Variants in ACAD11 observed in about 807,000 individuals in gnomAD.
ACAD11 encodes acyl-CoA dehydrogenase family member 11, also known as acyl-Coenzyme A dehydrogenase family, member 11.
A neutral mutation model predicts 102.2 loss-of-function variants in ACAD11; 83 were observed. That is an observed-to-expected ratio of 0.81 (90% CI 0.68 to 0.97). The LOEUF (loss-of-function observed/expected upper bound fraction) is 0.97, where lower values mean the gene tolerates loss of function less well. Ranked by LOEUF, ACAD11 falls within the 50% of genes least tolerant of loss-of-function variation. The pLI is 0.00. For synonymous variants in ACAD11, 324 were observed against 319.8 expected (o/e 1.01, Z -0.14); for missense variants, 901 against 951.7 (o/e 0.95, Z 0.70).
chr3:132,587,678 ATTTT>A lies in ACAD11; in HGVS notation c.1622-8124_1622-8121del, dbSNP rs1387938389. Among the ~76,000 whole-genome samples the A allele has an allele frequency of 2.6e-4, 39 of 151,818 alleles. 1 individual carries two copies. The highest frequency in any genetic ancestry group is 8.8e-5 in the Non-Finnish European group (6 of 67,996). Reference sequence around the variant, plus strand: ...TTTAGATTGTATTCCGGACATTGTGATTTTTTTGTTTTGAAACTCTGGATTCTGT... The same window carrying A: ...TTTAGATTGTATTCCGGACATTGTGATTTGTTTTGAAACTCTGGATTCTGT... On this transcript the variant is annotated intron_variant, in intron 13 of 19. Coordinates refer to ENST00000264990, the MANE Select transcript of ACAD11 (RefSeq NM_032169.5).
intron 17 of ACAD11, among the ~76,000 whole-genome samples, chr3:132,568,670 G>C (rs767129332): frequency 2.0e-5 from 3 of 152,064 alleles, no homozygotes; most frequent in Non-Finnish European, 2.9e-5. Flanking sequence ...AATTAAGACA[G>C]AAGAGACAAC....
chr3:132,646,934 TG>T (rs2107893534), intron 1 of ACAD11, among the ~76,000 whole-genome samples: 2 of 152,008 alleles, frequency 1.3e-5, no homozygotes, highest in East Asian at 3.9e-4. Context: ...CAGCCAGGGA[TG>T]GGGGAGGAAA....
chr3:132,609,996 T>C (rs1165691058), intron 11 of ACAD11, among the ~76,000 whole-genome samples: 1 of 152,112 alleles, frequency 6.6e-6, no homozygotes, highest in Admixed American at 6.5e-5. Flanking sequence ...ATCGATGTAA[T>C]CCATCACATA....
Position 132,644,876 on chromosome 3 carries a change from G to T in ACAD11, c.170C>A (p.Thr57Asn), listed in dbSNP as rs982483865. The T allele has an allele frequency of 2.6e-5, 42 of 1,609,312 alleles. No homozygotes were observed. The highest frequency in any genetic ancestry group is 3.3e-5 in the Non-Finnish European group (39 of 1,178,014). Residue 57 changes from threonine to asparagine, a missense_variant, in exon 2 of 20, where the codon ACC becomes AAC. Transcript: ENST00000264990. ...AQYRAGKSNP[T>N]FYLQKGFQTY... ...TTGAAAGCCCTTCTGGAGATAAAAG[G>T]TTGGATTGGACTTTCCTGCTCTAGA...
intron 9 of ACAD11, among the ~76,000 whole-genome samples, chr3:132,623,097 T>A (rs942421466): frequency 6.6e-6 from 1 of 152,230 alleles, no homozygotes; most frequent in Admixed American, 6.5e-5. Flanking sequence ...CTTTTAATAT[T>A]TTCATAGATA....
intron 11 of ACAD11, among the ~76,000 whole-genome samples, chr3:132,613,991 C>A (rs1406184172): frequency 6.6e-6 from 1 of 152,066 alleles, no homozygotes; most frequent in South Asian, 2.1e-4. Context: ...GATACAAAAT[C>A]AATGTGCAAA....
chr3:132,592,155 T>C (rs942458071), intron 13 of ACAD11, among the ~76,000 whole-genome samples: 1 of 152,104 alleles, frequency 6.6e-6, no homozygotes, highest in African/African-American at 2.4e-5. Flanking sequence ...AACAATGATG[T>C]TTCAGAAAAA....
At chr3:132,560,226 G>A (rs1322136948) in intron 18 of ACAD11, among the ~76,000 whole-genome samples, 1 of 151,988 alleles carries the variant, frequency 6.6e-6, no homozygotes, top group Non-Finnish European at 1.5e-5. Context: ...ATCACCTTAG[G>A]GATCATAAAA....
intron 1 of ACAD11, chr3:132,647,285 A>G (rs750634894): frequency 6.6e-5 from 10 of 152,184 alleles, no homozygotes; most frequent in Non-Finnish European, 1.5e-4. Context: ...AGAACCATTG[A>G]TGGTCTCAAT....
At chr3:132,659,496 G>T in intron 1 of ACAD11, 107 bp downstream of exon 1, 1 of 1,508,516 alleles carries the variant, frequency 6.6e-7, no homozygotes, top group South Asian at 1.2e-5. Flanking sequence ...CTGACTGCAG[G>T]AAAAGCAATC....
chr3:132,616,220 C>T (rs1036760926), intron 11 of ACAD11, among the ~76,000 whole-genome samples: 1 of 152,078 alleles, frequency 6.6e-6, no homozygotes, highest in Non-Finnish European at 1.5e-5. Context: ...AAATCTCTGT[C>T]CAATTTTAAA....
intron 1 of ACAD11, among the ~76,000 whole-genome samples, chr3:132,657,641 T>C (rs1937878646): frequency 6.6e-6 from 1 of 152,222 alleles, no homozygotes; most frequent in Non-Finnish European, 1.5e-5. Context: ...GCACATCTTT[T>C]ACTTAGGTAA....
intron 11 of ACAD11, among the ~76,000 whole-genome samples, chr3:132,615,700 T>C (rs1003443477): frequency 1.3e-5 from 2 of 152,092 alleles, no homozygotes; most frequent in East Asian, 3.9e-4. Flanking sequence ...AGGGGAGAGA[T>C]AGCATTAAGA....
At chr3:132,649,433 G>A (rs1940849619) in intron 1 of ACAD11, among the ~76,000 whole-genome samples, 1 of 152,232 alleles carries the variant, frequency 6.6e-6, no homozygotes, top group Non-Finnish European at 1.5e-5. Context: ...ACTCTACTGA[G>A]ATGTTTGGGT....
chr3:132,631,684 C>A (rs1396302344), intron 5 of ACAD11, among the ~76,000 whole-genome samples: 1 of 152,212 alleles, frequency 6.6e-6, no homozygotes, highest in Non-Finnish European at 1.5e-5. Flanking sequence ...CATCGCTGGC[C>A]ATCAGTCCTT....
At chr3:132,648,459 T>C (rs778577720) in intron 1 of ACAD11, 3 of 152,036 alleles carry the variant, frequency 2.0e-5, no homozygotes, top group Non-Finnish European at 4.4e-5. Context: ...CTCAGACTCA[T>C]GGCATCATCC....
Position 132,659,656 on chromosome 3 carries a change from G to C in ACAD11, c.96C>G (p.His32Gln). 6.2e-7 allele frequency: 1 copy of C among 1,611,800 alleles called. No homozygotes were observed. The highest frequency in any genetic ancestry group is 1.7e-5 in the Admixed American group (1 of 59,714). ...SKSLEAYLNQ[H>Q]LSGFGAEREA... ...CACGTTCGGCCCCAAAGCCAGACAA[G>C]TGCTGGTTTAGGTAGGCCTCCAGGG... Residue 32 changes from histidine to glutamine, a missense_variant, in exon 1 of 20, where the codon CAC becomes CAG. By Grantham distance (24) the His-to-Gln change is conservative. Coordinates refer to ENST00000264990, the MANE Select transcript of ACAD11 (RefSeq NM_032169.5).
chr3:132,567,145 AT>A (rs1355775787), intron 17 of ACAD11, among the ~76,000 whole-genome samples: 2 of 152,054 alleles, frequency 1.3e-5, no homozygotes, highest in African/African-American at 4.8e-5. Flanking sequence ...TACCCGGCTA[AT>A]TTTTGTATTT....
At chr3:132,593,215 A>G (rs1938154695) in intron 13 of ACAD11, among the ~76,000 whole-genome samples, 1 of 151,970 alleles carries the variant, frequency 6.6e-6, no homozygotes, top group Non-Finnish European at 1.5e-5. Flanking sequence ...TAAAAGCAAA[A>G]AAAAATTGGG....
Sources: allele counts gnomAD v4.1 joint callset (sites outside exome capture counted in the v4.1 genomes callset), GRCh38; gene constraint gnomAD v4.1.1; transcripts MANE v1.5; gene names NCBI Gene and HGNC (gene_info 2026-07-23, HGNC 2026-07-21).